NAA16: variants seen among roughly 807,000 people sequenced by gnomAD.
NAA16 encodes the protein N-alpha-acetyltransferase 16, NatA auxiliary subunit, also known as NARG1-like protein.
Under a neutral mutation model 110.3 loss-of-function variants are expected in NAA16, and 97 were observed. The ratio of observed to expected loss-of-function variants is 0.88; its 90% CI spans 0.75 to 1.04. The LOEUF (loss-of-function observed/expected upper bound fraction) is 1.04, where lower values mean the gene tolerates loss of function less well. NAA16 is among the 50% of genes least tolerant of loss of function. The pLI, the probability that NAA16 is intolerant of heterozygous loss-of-function variation, is 0.00. For missense variants in NAA16, 1,017 were observed against 1,005.1 expected (o/e 1.01, Z -0.16); for synonymous variants, 372 against 330.6 (o/e 1.13, Z -1.36).
chr13:41,314,502 C>T (rs796191173), intron 1 of NAA16, among the ~76,000 whole-genome samples: 39 of 152,286 alleles, frequency 2.6e-4, no homozygotes, highest in African/African-American at 8.4e-4. Flanking sequence ...TAGTTCCCTT[C>T]CCCAGAGGCT....
intron 8 of NAA16, among the ~76,000 whole-genome samples, chr13:41,331,641 G>T (rs941779128): frequency 3.3e-5 from 5 of 152,036 alleles, no homozygotes; most frequent in Non-Finnish European, 5.9e-5. Context: ...ATCAGAGCTG[G>T]CAAGGGGAGT....
chr13:41,340,209 T>A (rs953368562), intron 9 of NAA16, among the ~76,000 whole-genome samples: 3 of 152,064 alleles, frequency 2.0e-5, no homozygotes, highest in Admixed American at 6.6e-5. Context: ...GAAAAGTACT[T>A]AAAAAAAATT....
At chr13:41,339,802 A>G (rs1181345788) in intron 9 of NAA16, among the ~76,000 whole-genome samples, 2 of 150,664 alleles carry the variant, frequency 1.3e-5, no homozygotes, top group Non-Finnish European at 3.0e-5. Flanking sequence ...TAAGTGATTC[A>G]CCCACTTTGG....
chr13:41,373,993 G>C, intron 18 of NAA16: 1 of 650,172 alleles, frequency 1.5e-6, no homozygotes, highest in Non-Finnish European at 2.1e-6. Flanking sequence ...TATTCAAAGG[G>C]TTTGTGATAA....
intron 9 of NAA16, among the ~76,000 whole-genome samples, chr13:41,348,805 T>C (rs9594527): frequency 0.029 from 4,409 of 152,250 alleles, 200 homozygotes; most frequent in African/African-American, 0.098. Context: ...GGGTAGTTTT[T>C]TATTATGTAT....
rs4415898 is a variant in NAA16, at chr13:41,321,041, T to G, written c.402+217T>G. Reference sequence around the variant, plus strand: ...CTGGTGGGGTGTGGTGGCCCACGCCTGTAATCCCAGCAGTTTGGGAGGTTG... The same window carrying G: ...CTGGTGGGGTGTGGTGGCCCACGCCGGTAATCCCAGCAGTTTGGGAGGTTG... On this transcript the variant is annotated intron_variant, in intron 4 of 19. Coordinates refer to ENST00000379406, the MANE Select transcript of NAA16 (RefSeq NM_024561.5). Among the ~76,000 whole-genome samples, 108,709 of 152,220 alleles carry G rather than the reference T, an allele frequency of 0.71. 40,995 individuals are homozygous for G. Among genetic ancestry groups the G allele is most frequent in the South Asian group, 0.9 (4,326 of 4,828 alleles).
At chr13:41,337,955 TAAAAA>T (rs569086011) in intron 9 of NAA16, among the ~76,000 whole-genome samples, 38 of 152,020 alleles carry the variant, frequency 2.5e-4, no homozygotes, top group Admixed American at 4.6e-4. Flanking sequence ...TCATTTATGT[TAAAAA>T]AAACAAAAAA....
At chr13:41,337,087 C>T (rs1021612004) in intron 9 of NAA16, among the ~76,000 whole-genome samples, 1 of 151,988 alleles carries the variant, frequency 6.6e-6, no homozygotes. Flanking sequence ...ATTAGTTATG[C>T]ATGCTTTTAA....
At chr13:41,322,969 G>A (rs2041984521) in intron 4 of NAA16, 87 bp from the exon 5 acceptor site, 10 of 1,176,638 alleles carry the variant, frequency 8.5e-6, no homozygotes, top group Non-Finnish European at 1.3e-5. Context: ...TAGTTCATTA[G>A]AAATGTGTTA....
rs4415898 is a variant in NAA16, at chr13:41,321,041, T to A, written c.402+217T>A. Among the ~76,000 whole-genome samples, 503 of 152,252 alleles carry A rather than the reference T, an allele frequency of 3.3e-3. 2 individuals carry two copies. The highest frequency in any genetic ancestry group is 6.5e-3 in the Admixed American group (99 of 15,300). On this transcript the variant is annotated intron_variant, in intron 4 of 19. Coordinates refer to ENST00000379406, the MANE Select transcript of NAA16 (RefSeq NM_024561.5). ...CTGGTGGGGTGTGGTGGCCCACGCC[T>A]GTAATCCCAGCAGTTTGGGAGGTTG... is the stretch of plus-strand genomic sequence containing the variant.
At position 41,340,647 on chromosome 13, in the gene NAA16, GTTTTTTTTTTTTTTTTTTTTTTTTTT is replaced by G. The variant is rs754237653; in HGVS notation, c.1014+3910_1014+3935del. ...CATATAGTTGTGCGGTTTTGAGTGA[GTTTTTTTTTTTTTTTTTTTTTTTTTT>G]TTTTTTTTTTTTTTTTTTCCGAGAC... is the stretch of plus-strand genomic sequence containing the variant. On this transcript the variant is annotated intron_variant, in intron 9 of 19. Coordinates refer to ENST00000379406, the MANE Select transcript of NAA16 (RefSeq NM_024561.5). Among the ~76,000 whole-genome samples, 115 of 43,596 alleles carry G rather than the reference GTTTTTTTTTTTTTTTTTTTTTTTTTT, an allele frequency of 2.6e-3. 2 individuals are homozygous for G. Among genetic ancestry groups the G allele is most frequent in the African/African-American group, 7.5e-3 (95 of 12,688 alleles). The allele number at this position is 43,596 out of a possible 152,430, so 28.6% of individuals were successfully genotyped here.
intron 12 of NAA16, among the ~76,000 whole-genome samples, chr13:41,359,859 T>TA (rs1263994589): frequency 6.6e-6 from 1 of 152,156 alleles, no homozygotes; most frequent in South Asian, 2.1e-4. Flanking sequence ...ACCTTACACT[T>TA]ATAGAAGAAA....
chr13:41,328,802 ATT>A lies in NAA16; in HGVS notation c.771_772del (p.Asn257LysfsTer5). On this transcript the variant is annotated frameshift_variant, in exon 7 of 20. Coordinates refer to ENST00000379406, the MANE Select transcript of NAA16 (RefSeq NM_024561.5). LOFTEE classifies it high-confidence loss of function. ...AACTTGATTGATCGAAATGCAGAAA[ATT>A]GGTGTTATTATGAAGGCTTGGAAAA... The A allele has an allele frequency of 6.2e-7, 1 of 1,607,500 alleles. No individual in the cohort carries two copies. Among genetic ancestry groups the A allele is most frequent in the Non-Finnish European group, 8.5e-7 (1 of 1,174,602 alleles).
At position 41,374,821 on chromosome 13, in the gene NAA16, AAAAGAT is replaced by A. The variant is rs1381432878; in HGVS notation, c.2386_2391del (p.Lys796_Asp797del). 1 of 1,608,244 alleles carries A rather than the reference AAAAGAT, an allele frequency of 6.2e-7. No homozygotes were observed. Among genetic ancestry groups the A allele is most frequent in the Non-Finnish European group, 8.5e-7 (1 of 1,176,794 alleles). On this transcript the variant is annotated inframe_deletion, in exon 19 of 20. Coordinates refer to ENST00000379406, the MANE Select transcript of NAA16 (RefSeq NM_024561.5). Reference sequence around the variant, plus strand: ...TAGCCACTAGACTAGATGAAACTATAAAAGATAAAGATGTAAAGGTAAGTTTTTTTT... The same window carrying A: ...TAGCCACTAGACTAGATGAAACTATAAAAGATGTAAAGGTAAGTTTTTTTT...
At chr13:41,329,233 A>G (rs970627255) in intron 7 of NAA16, among the ~76,000 whole-genome samples, 1 of 152,068 alleles carries the variant, frequency 6.6e-6, no homozygotes, top group Non-Finnish European at 1.5e-5. Flanking sequence ...CAACCTCTAA[A>G]TATAAGAATT....
At chr13:41,345,133 A>G (rs1294219946) in intron 9 of NAA16, among the ~76,000 whole-genome samples, 1 of 152,214 alleles carries the variant, frequency 6.6e-6, no homozygotes, top group East Asian at 1.9e-4. Flanking sequence ...GTTATTTTGA[A>G]TAATGCTGCT....
At chr13:41,313,130 G>T (rs934480993) in intron 1 of NAA16, among the ~76,000 whole-genome samples, 2 of 151,984 alleles carry the variant, frequency 1.3e-5, no homozygotes, top group Admixed American at 6.6e-5. Context: ...TCAAATCATG[G>T]ATCAGTGTCA....
chr13:41,319,698 G>T (rs1306263059), intron 3 of NAA16, among the ~76,000 whole-genome samples: 2 of 151,482 alleles, frequency 1.3e-5, no homozygotes, highest in Non-Finnish European at 2.9e-5. Flanking sequence ...TGTACTTTCA[G>T]TAGAGATGGA....
chr13:41,373,378 C>T, intron 17 of NAA16: 1 of 289,936 alleles, frequency 3.4e-6, no homozygotes, highest in Non-Finnish European at 5.1e-6. Flanking sequence ...CTGACTCAGC[C>T]TCTTGAGTAG....
Sources: gnomAD v4.1 joint callset for allele counts (sites outside exome capture counted in the v4.1 genomes callset) on GRCh38, gnomAD v4.1.1 for gene constraint, MANE v1.5 for transcripts, NCBI Gene and HGNC (gene_info 2026-07-23, HGNC 2026-07-21) for gene names.